RAB37: variants seen among roughly 807,000 people sequenced by gnomAD.
The protein encoded by RAB37 is ras-related protein Rab-37.
RAB37 carries 29 observed loss-of-function variants against 33.1 expected under a neutral mutation model. The observed-to-expected ratio is 0.88, with a 90% confidence interval of 0.65 to 1.20. The LOEUF (loss-of-function observed/expected upper bound fraction) is 1.20. Ranked by LOEUF, RAB37 falls within the 50% of genes most tolerant of loss-of-function variation. RAB37 has a pLI of 0.00. For synonymous variants in RAB37, 128 were observed against 119.5 expected, an observed-to-expected ratio of 1.07 and a Z score of -0.47; for missense variants, 299 against 301.1, an observed-to-expected ratio of 0.99 and a Z score of 0.05.
chr17:74,732,950 G>C (rs1351772509), upstream of RAB37, among the ~76,000 whole-genome samples: 1 of 152,096 alleles, frequency 6.6e-6, no homozygotes, highest in Non-Finnish European at 1.5e-5. Flanking sequence ...CTGTGATCAG[G>C]AGGGTAGGGG....
At chr17:74,734,510 C>G (rs1176525815), upstream of RAB37, among the ~76,000 whole-genome samples, 3 of 152,148 alleles carry the variant, frequency 2.0e-5, no homozygotes, top group Non-Finnish European at 4.4e-5. Context: ...GCCCTGTCCC[C>G]TCTCTCATTC....
Position 74,690,070 on chromosome 17 carries a change from G to A in RAB37, c.72+18412G>A, listed in dbSNP as rs1215454453. 3.3e-5 allele frequency among the ~76,000 whole-genome samples: 5 copies of A among 152,250 alleles called. No individual in the cohort carries two copies. In the East Asian group the frequency reaches 7.7e-4, roughly 24 times the overall value. On this transcript the variant is annotated intron_variant, in intron 1 of 7. Coordinates refer to the RAB37 transcript ENST00000340415. Reference sequence around the variant, plus strand: ...ACGTTCAAGCGATCCTACCCCCTCAGCCTCTGGAGTAGCTGGGTCTACAGT... The same window carrying A: ...ACGTTCAAGCGATCCTACCCCCTCAACCTCTGGAGTAGCTGGGTCTACAGT...
chr17:74,737,896 G>A (rs776184137), intron 1 of RAB37, among the ~76,000 whole-genome samples: 2 of 152,152 alleles, frequency 1.3e-5, no homozygotes, highest in Non-Finnish European at 2.9e-5. Context: ...CCCTGCAGTC[G>A]GAAGCCGCTC....
chr17:74,708,360 T>A (rs928363972), intron 1 of RAB37, among the ~76,000 whole-genome samples: 1 of 152,132 alleles, frequency 6.6e-6, no homozygotes, highest in Admixed American at 6.6e-5. Context: ...AGAAATAATG[T>A]CTATTTTATA....
Position 74,745,321 on chromosome 17 carries a change from G to A in RAB37, c.582G>A (p.Arg194=). 1 of 1,614,054 alleles carries A rather than the reference G, an allele frequency of 6.2e-7. No homozygotes were observed. The highest frequency in any genetic ancestry group is 8.5e-7 in the Non-Finnish European group (1 of 1,180,006). Residue 194 remains arginine, a synonymous_variant, in exon 9 of 9, where the codon CGG becomes CGA. Transcript: ENST00000392613. The surrounding 1 kb of genome is among the most constrained non-coding windows in gnomAD (Gnocchi z 4.5). The part of the protein sequence containing the change: ...FLAIAKELKY[R]AGHQADEPSF... The stretch of plus-strand genomic sequence containing the variant: ...CTTCTTCAAGGGAACTGAAATACCG[G>A]GCCGGGCATCAGGCGGATGAGCCCA...
chr17:74,706,280 A>AT (rs200263662), intron 1 of RAB37, among the ~76,000 whole-genome samples: 2,309 of 148,762 alleles, frequency 0.016, 83 homozygotes, highest in Admixed American at 0.073. Flanking sequence ...AAGGAAAAAA[A>AT]AAATATATAT....
chr17:74,682,946 G>C (rs549106025), intron 1 of RAB37, among the ~76,000 whole-genome samples: 2 of 152,182 alleles, frequency 1.3e-5, no homozygotes, highest in Non-Finnish European at 2.9e-5. Context: ...GGGAAAATGG[G>C]ATGGTGTCAT....
chr17:74,673,184 G>A (rs749783075), intron 1 of RAB37, among the ~76,000 whole-genome samples: 11 of 152,092 alleles, frequency 7.2e-5, no homozygotes, highest in South Asian at 2.1e-4. Flanking sequence ...GCGGTGGACC[G>A]CTTGAGGTCA....
chr17:74,707,122 A>G (rs1425186740), intron 1 of RAB37, among the ~76,000 whole-genome samples: 1 of 152,226 alleles, frequency 6.6e-6, no homozygotes, highest in African/African-American at 2.4e-5. Flanking sequence ...AACAAAAGCA[A>G]AACTAGACAA....
At chr17:74,679,221 G>A (rs972068972) in intron 1 of RAB37, among the ~76,000 whole-genome samples, 2 of 152,082 alleles carry the variant, frequency 1.3e-5, no homozygotes, top group Non-Finnish European at 2.9e-5. Flanking sequence ...TTAAAAATCG[G>A]AACTGTCATT....
chr17:74,704,400 A>G, intron 1 of RAB37: 1 of 1,036,582 alleles, frequency 9.6e-7, no homozygotes, highest in East Asian at 2.4e-5. Flanking sequence ...AGTGACAATT[A>G]AATCACTTGA....
upstream of RAB37, among the ~76,000 whole-genome samples, chr17:74,732,408 A>G (rs1307647011): frequency 1.9e-4 from 28 of 150,406 alleles, no homozygotes; most frequent in Non-Finnish European, 1.0e-4. Context: ...CCAGCTCTGA[A>G]GTTTTCTGCC....
At chr17:74,711,084 G>C (rs1203500250) in intron 1 of RAB37, among the ~76,000 whole-genome samples, 1 of 152,108 alleles carries the variant, frequency 6.6e-6, no homozygotes, top group African/African-American at 2.4e-5. Flanking sequence ...CAAACTTCCG[G>C]ATGGGTATTT....
upstream of RAB37, among the ~76,000 whole-genome samples, chr17:74,734,276 G>A (rs964569312): frequency 5.3e-4 from 81 of 152,232 alleles, no homozygotes; most frequent in African/African-American, 1.9e-3. Flanking sequence ...TCACCTGGAT[G>A]TCTTTTCCCT....
chr17:74,741,732 A>T (rs2034623566), intron 2 of RAB37, among the ~76,000 whole-genome samples: 1 of 152,146 alleles, frequency 6.6e-6, no homozygotes, highest in South Asian at 2.1e-4. Flanking sequence ...AATAGAGAAA[A>T]GGTCTCACCC....
At chr17:74,698,445 G>C (rs777096299) in intron 1 of RAB37, 1 of 1,613,880 alleles carries the variant, frequency 6.2e-7, no homozygotes, top group Non-Finnish European at 8.5e-7. Context: ...TGGTGAAGAT[G>C]AGGGGCAGGA....
chr17:74,714,264 T>C (rs918856942), intron 1 of RAB37, among the ~76,000 whole-genome samples: 1 of 152,020 alleles, frequency 6.6e-6, no homozygotes, highest in South Asian at 2.1e-4. Context: ...TGCATGCCTG[T>C]AGTCCAAGCA....
rs375299897 is a variant in RAB37 at position 74,744,831 on chromosome 17, C to T, written c.433-42C>T. 209 of 1,610,028 alleles carry T rather than the reference C, an allele frequency of 1.3e-4. No individual in the cohort carries two copies. The highest frequency in any genetic ancestry group is 1.7e-4 in the Non-Finnish European group (199 of 1,176,348). On this transcript the variant is annotated intron_variant, in intron 6 of 8. Coordinates refer to ENST00000392613, the MANE Select transcript of RAB37 (RefSeq NM_001006638.3). This position sits in a 1 kb window ranked among gnomAD's most constrained non-coding sequence, Gnocchi z 4.2. ...GGGGCAAAATATGGGCCCGCTGGGG[C>T]GGAGGCCTCCTTCCCCAGAGTGACC...
intron 1 of RAB37, among the ~76,000 whole-genome samples, chr17:74,720,894 A>G (rs1272169186): frequency 6.6e-6 from 1 of 152,022 alleles, no homozygotes; most frequent in Non-Finnish European, 1.5e-5. Flanking sequence ...GTGGAAGGGG[A>G]GCTGGAAAAG....
Sources: allele counts gnomAD v4.1 joint callset (sites outside exome capture counted in the v4.1 genomes callset), GRCh38; gene constraint gnomAD v4.1.1; non-coding constraint Gnocchi (gnomAD v3.1); transcripts MANE v1.5; gene names NCBI Gene and HGNC (gene_info 2026-07-23, HGNC 2026-07-21).